Variants in XYLT1 observed in about 807,000 individuals in gnomAD.
The protein encoded by XYLT1 is xylosyltransferase 1.
Under a neutral mutation model 91.3 loss-of-function variants are expected in XYLT1, and 36 were observed. The observed-to-expected ratio is 0.39, with a 90% CI of 0.30 to 0.52. The LOEUF (loss-of-function observed/expected upper bound fraction) is 0.52. XYLT1 is among the 20% of genes least tolerant of loss of function. The pLI is 0.68. For synonymous variants in XYLT1, 588 were observed against 532.0 expected (o/e 1.11, Z -1.45); for missense variants, 1,242 against 1,284.5 (o/e 0.97, Z 0.51).
intron 6 of XYLT1, among the ~76,000 whole-genome samples, chr16:17,155,196 C>T (rs2031375185): frequency 6.6e-6 from 1 of 152,178 alleles, no homozygotes; most frequent in African/African-American, 2.4e-5. Flanking sequence ...GTGAGTCCTC[C>T]CCGCTGCCCT....
chr16:17,185,639 TCC>T (rs1438323301), intron 5 of XYLT1, among the ~76,000 whole-genome samples: 1 of 151,660 alleles, frequency 6.6e-6, no homozygotes, highest in African/African-American at 2.4e-5. Flanking sequence ...TCTCTCTCTC[TCC>T]CTGGACCAGT....
intron 10 of XYLT1, among the ~76,000 whole-genome samples, chr16:17,119,522 A>G (rs2029973679): frequency 6.6e-6 from 1 of 152,242 alleles, no homozygotes; most frequent in African/African-American, 2.4e-5. Context: ...TGTGCAGGGG[A>G]AATAGGAGCT....
At chr16:17,348,637 A>C (rs2035178796) in intron 2 of XYLT1, among the ~76,000 whole-genome samples, 1 of 152,086 alleles carries the variant, frequency 6.6e-6, no homozygotes, top group Non-Finnish European at 1.5e-5. Context: ...CACATAGAAA[A>C]CATGCAATCA....
At chr16:17,187,703 T>G (rs909124541) in intron 5 of XYLT1, among the ~76,000 whole-genome samples, 2 of 151,928 alleles carry the variant, frequency 1.3e-5, no homozygotes, top group Non-Finnish European at 2.9e-5. Context: ...TGGAGTACAA[T>G]GGCGTGATCT....
In XYLT1 at chr16:17,358,008, T is replaced by C; in HGVS notation, c.402+4A>G. The C allele has an allele frequency of 6.2e-7, 1 of 1,613,712 alleles. No individual in the cohort carries two copies. The highest frequency in any genetic ancestry group is 8.5e-7 in the Non-Finnish European group (1 of 1,179,806). ...TAAGTGGCCAAGACAGGAAAGATAC[T>C]TACCTGAGTCTCCAGGGTGATGAGC... On this transcript the variant is annotated splice_donor_region_variant and intron_variant, in intron 2 of 11. Transcript: ENST00000261381.
At chr16:17,228,906 C>A (rs567088343) in intron 3 of XYLT1, among the ~76,000 whole-genome samples, 47 of 152,316 alleles carry the variant, frequency 3.1e-4, no homozygotes, top group Middle Eastern at 6.8e-3. Flanking sequence ...GAGATTAAGG[C>A]ATTTGTCTCA....
chr16:17,317,684 A>G (rs145301793), intron 2 of XYLT1, among the ~76,000 whole-genome samples: 9 of 145,876 alleles, frequency 6.2e-5, no homozygotes, highest in Non-Finnish European at 1.2e-4. Context: ...TATTTATGGT[A>G]TGCAGTATCT....
chr16:17,282,661 T>C (rs1294817842), intron 2 of XYLT1, among the ~76,000 whole-genome samples: 1 of 152,216 alleles, frequency 6.6e-6, no homozygotes, highest in Non-Finnish European at 1.5e-5. Context: ...GGGTCTTTCA[T>C]GGTGTAACTG....
rs1319684023 is a variant in XYLT1, at chr16:17,308,658, G to A, written c.403-49160C>T. On this transcript the variant is annotated intron_variant, in intron 2 of 11. Coordinates refer to ENST00000261381, the MANE Select transcript of XYLT1 (RefSeq NM_022166.4). ...CCCTAGCTTCTTTAGAACTTCCTTG[G>A]CATGTGAACTTGAACAATACCCTAC... 2.0e-5 allele frequency among the ~76,000 whole-genome samples: 3 copies of A among 152,106 alleles called. No homozygotes were observed. The East Asian group carries it at 5.8e-4, about 29-fold the overall frequency.
chr16:17,116,239 A>G (rs960815135), intron 11 of XYLT1, among the ~76,000 whole-genome samples: 2 of 152,174 alleles, frequency 1.3e-5, no homozygotes, highest in Non-Finnish European at 2.9e-5. Flanking sequence ...AACCCTTTCA[A>G]TGGACAAAGA....
intron 2 of XYLT1, among the ~76,000 whole-genome samples, chr16:17,341,077 T>C (rs1034305798): frequency 6.6e-6 from 1 of 152,158 alleles, no homozygotes; most frequent in Non-Finnish European, 1.5e-5. Flanking sequence ...AGAAACCTCC[T>C]CATAGGACAA....
At chr16:17,427,433 C>T (rs1397990459) in intron 1 of XYLT1, among the ~76,000 whole-genome samples, 1 of 152,214 alleles carries the variant, frequency 6.6e-6, no homozygotes, top group Non-Finnish European at 1.5e-5. Flanking sequence ...GCTGGGACTA[C>T]AAGTGTGCAC....
intron 11 of XYLT1, among the ~76,000 whole-genome samples, chr16:17,115,346 T>G (rs1966849762): frequency 2.4e-5 from 3 of 125,334 alleles, no homozygotes; most frequent in Non-Finnish European, 3.3e-5. Flanking sequence ...AAGCCGGGCA[T>G]GGTGGCACAC....
chr16:17,209,138 T>G (rs2141597356), intron 3 of XYLT1, among the ~76,000 whole-genome samples: 1 of 152,338 alleles, frequency 6.6e-6, no homozygotes, highest in South Asian at 2.1e-4. Context: ...ACTGAAACTT[T>G]CTATCCATTG....
rs559094973 is a variant in XYLT1 at position 17,181,644 on chromosome 16, G to GGGA, written c.1289+16565_1289+16567dup. Among the ~76,000 whole-genome samples the GGGA allele has an allele frequency of 2.0e-3, 306 of 152,252 alleles. 1 individual carries two copies. Among genetic ancestry groups the GGGA allele is most frequent in the African/African-American group, 7.1e-3 (297 of 41,556 alleles). ...CATCTCTCTCCTACATTTACCCAAA[G>GGGA]GGAGGAACTGAGGGTAGGATTACTT... On this transcript the variant is annotated intron_variant, in intron 5 of 11. Transcript: ENST00000261381.
At chr16:17,242,713 C>T (rs2033366291) in intron 3 of XYLT1, among the ~76,000 whole-genome samples, 1 of 152,206 alleles carries the variant, frequency 6.6e-6, no homozygotes. Flanking sequence ...CCAATCTCCA[C>T]AACTTTTTCA....
intron 6 of XYLT1, among the ~76,000 whole-genome samples, chr16:17,153,373 T>G (rs1164997250): frequency 6.6e-6 from 1 of 152,226 alleles, no homozygotes; most frequent in Non-Finnish European, 1.5e-5. Context: ...TTAACTGCTA[T>G]GCTATGTGCT....
intron 10 of XYLT1, 66 bp downstream of exon 10, chr16:17,127,600 G>T: frequency 6.6e-7 from 1 of 1,525,882 alleles, no homozygotes; most frequent in Non-Finnish European, 8.9e-7. Flanking sequence ...GTGTCAGATA[G>T]TGGAGTAGAA....
intron 1 of XYLT1, among the ~76,000 whole-genome samples, chr16:17,422,267 G>C (rs1163477531): frequency 1.3e-5 from 2 of 150,848 alleles, no homozygotes; most frequent in Non-Finnish European, 3.0e-5. Context: ...CATGATCATA[G>C]ATCACTACAG....
Sources: gnomAD v4.1 joint callset for allele counts (sites outside exome capture counted in the v4.1 genomes callset) on GRCh38, gnomAD v4.1.1 for gene constraint, MANE v1.5 for transcripts, NCBI Gene and HGNC (gene_info 2026-07-23, HGNC 2026-07-21) for gene names.